PLCXD3: variants seen among roughly 807,000 people sequenced by gnomAD.
The protein encoded by PLCXD3 is phosphatidylinositol specific phospholipase C X domain containing 3.
A neutral mutation model predicts 25.5 loss-of-function variants in PLCXD3; 19 were observed. The observed-to-expected ratio is 0.75, with a 90% CI of 0.52 to 1.09. The LOEUF (loss-of-function observed/expected upper bound fraction) is 1.09, where lower values mean the gene tolerates loss of function less well. Among genes scored for constraint, PLCXD3 ranks in the 50% least tolerant of loss-of-function variants. The pLI, the probability that PLCXD3 is intolerant of heterozygous loss-of-function variation, is 0.00. For synonymous variants in PLCXD3, 174 were observed against 137.6 expected, an observed-to-expected ratio of 1.26 and a Z score of -1.85; for missense variants, 411 against 388.1, an observed-to-expected ratio of 1.06 and a Z score of -0.50.
At chr5:41,346,568 T>C (rs1302238777) in intron 2 of PLCXD3, among the ~76,000 whole-genome samples, 1 of 152,086 alleles carries the variant, frequency 6.6e-6, no homozygotes, top group Non-Finnish European at 1.5e-5. Context: ...TATGTTGTGG[T>C]AAAATATATA....
At chr5:41,390,126 T>G (rs1487767199) in intron 1 of PLCXD3, among the ~76,000 whole-genome samples, 2 of 152,228 alleles carry the variant, frequency 1.3e-5, no homozygotes, top group African/African-American at 4.8e-5. Context: ...TCAGTCTGGC[T>G]TCTTTTCCTT....
intron 1 of PLCXD3, among the ~76,000 whole-genome samples, chr5:41,384,936 C>T (rs1745589610): frequency 6.6e-6 from 1 of 152,014 alleles, no homozygotes; most frequent in Non-Finnish European, 1.5e-5. Flanking sequence ...GTGCTTCACA[C>T]TGTAAATATT....
chr5:41,370,073 A>T (rs1159851781), intron 2 of PLCXD3, among the ~76,000 whole-genome samples: 1 of 152,210 alleles, frequency 6.6e-6, no homozygotes, highest in Non-Finnish European at 1.5e-5. Flanking sequence ...TTTGCTCTTA[A>T]CAGCTGAGGC....
Position 41,381,780 on chromosome 5 carries a change from A to T in PLCXD3, c.812+46T>A, listed in dbSNP as rs764133427. ...ATCACTTATGAGCTCTATAAATTCA[A>T]GTTAAATTATTTGAGGTTTCCCCCT... is the stretch of plus-strand genomic sequence containing the variant. On this transcript the variant is annotated intron_variant, in intron 2 of 2. Coordinates refer to ENST00000377801, the MANE Select transcript of PLCXD3 (RefSeq NM_001005473.3). 6 of 1,486,414 alleles carry T rather than the reference A, an allele frequency of 4.0e-6. No homozygotes were observed. In the South Asian group the frequency reaches 7.8e-5, roughly 19 times the overall value. The allele number at this position is 1,486,414 out of a possible 1,614,324, so 92.1% of individuals were successfully genotyped here.
At chr5:41,374,148 T>C (rs1745209147) in intron 2 of PLCXD3, among the ~76,000 whole-genome samples, 1 of 152,074 alleles carries the variant, frequency 6.6e-6, no homozygotes, top group African/African-American at 2.4e-5. Context: ...ATTTTGTCAG[T>C]AGGGATGATT....
rs1280368092 is a variant in PLCXD3, at chr5:41,480,424, G to C, written c.103+30000C>G. Reference sequence around the variant, plus strand: ...TTTTTTTTTTTCATTTATAACATTTGCTTTTTTTCTCTTCTAATAAAAATT... The same window carrying C: ...TTTTTTTTTTTCATTTATAACATTTCCTTTTTTTCTCTTCTAATAAAAATT... On this transcript the variant is annotated intron_variant, in intron 1 of 2. Coordinates refer to ENST00000377801, the MANE Select transcript of PLCXD3 (RefSeq NM_001005473.3). 2.9e-5 allele frequency among the ~76,000 whole-genome samples: 3 copies of C among 105,086 alleles called. No homozygotes were observed. In the South Asian group the frequency reaches 1.1e-3, roughly 39 times the overall value. The allele number at this position is 105,086 out of a possible 152,430, so 68.9% of individuals were successfully genotyped here.
intron 1 of PLCXD3, among the ~76,000 whole-genome samples, chr5:41,476,914 C>T (rs1748296294): frequency 6.6e-6 from 1 of 152,170 alleles, no homozygotes; most frequent in Non-Finnish European, 1.5e-5. Context: ...AGACATGGTG[C>T]TTAACACCTT....
chr5:41,407,487 A>G (rs1746386317), intron 1 of PLCXD3, among the ~76,000 whole-genome samples: 1 of 152,132 alleles, frequency 6.6e-6, no homozygotes, highest in African/African-American at 2.4e-5. Flanking sequence ...AGTTATTTGG[A>G]CTTTTGGAGA....
rs781062224 is a variant in PLCXD3 at position 41,510,413 on chromosome 5, T to C, written c.103+11A>G. On this transcript the variant is annotated intron_variant, in intron 1 of 2. Coordinates refer to ENST00000377801, the MANE Select transcript of PLCXD3 (RefSeq NM_001005473.3). Reference sequence around the variant, plus strand: ...CGCCGAGCGCCTAGCCCGCAGCCCCTGCGCGCCTACCTGGAATGGCTAAAT... The same window carrying C: ...CGCCGAGCGCCTAGCCCGCAGCCCCCGCGCGCCTACCTGGAATGGCTAAAT... 8 of 1,603,084 alleles carry C rather than the reference T, an allele frequency of 5.0e-6. No individual in the cohort carries two copies. Among genetic ancestry groups the C allele is most frequent in the Non-Finnish European group, 6.8e-6 (8 of 1,174,744 alleles).
intron 2 of PLCXD3, among the ~76,000 whole-genome samples, chr5:41,349,934 T>C (rs1454709200): frequency 6.6e-6 from 1 of 152,176 alleles, no homozygotes; most frequent in Non-Finnish European, 1.5e-5. Context: ...GATTTTTTTT[T>C]TTTTTGGTAG....
At chr5:41,487,609 C>A (rs1290010631) in intron 1 of PLCXD3, among the ~76,000 whole-genome samples, 11 of 151,968 alleles carry the variant, frequency 7.2e-5, no homozygotes. Context: ...ATGAATAAGA[C>A]AAAGTAATTG....
chr5:41,498,955 C>A (rs139383172), intron 1 of PLCXD3, among the ~76,000 whole-genome samples: 2,431 of 151,628 alleles, frequency 0.016, 22 homozygotes, highest in Non-Finnish European at 0.025. Flanking sequence ...AATTCAACAT[C>A]TTTTCATGAT....
intron 1 of PLCXD3, among the ~76,000 whole-genome samples, chr5:41,404,000 T>C (rs912693258): frequency 1.3e-5 from 2 of 152,136 alleles, no homozygotes; most frequent in Admixed American, 6.6e-5. Context: ...GGTTGCTCAA[T>C]AAAGAAAAGT....
chr5:41,322,384 T>C (rs1480319124), intron 2 of PLCXD3, among the ~76,000 whole-genome samples: 1 of 152,062 alleles, frequency 6.6e-6, no homozygotes, highest in Admixed American at 6.6e-5. Context: ...GTTAAAATGG[T>C]TTATATCCAG....
intron 2 of PLCXD3, among the ~76,000 whole-genome samples, chr5:41,323,084 T>C (rs1743523834): frequency 6.6e-6 from 1 of 152,088 alleles, no homozygotes; most frequent in Non-Finnish European, 1.5e-5. Flanking sequence ...TGCATGGAAC[T>C]GGAGATCATT....
chr5:41,389,240 G>T (rs904120578), intron 1 of PLCXD3, among the ~76,000 whole-genome samples: 7 of 152,032 alleles, frequency 4.6e-5, no homozygotes, highest in Non-Finnish European at 1.0e-4. Context: ...AAAAACTTCA[G>T]CCCTCAGTGC....
intron 1 of PLCXD3, among the ~76,000 whole-genome samples, chr5:41,483,279 T>C (rs1462675165): frequency 6.6e-6 from 1 of 152,140 alleles, no homozygotes; most frequent in Non-Finnish European, 1.5e-5. Context: ...CCCAGTTACT[T>C]GAGAGATCAG....
intron 2 of PLCXD3, among the ~76,000 whole-genome samples, chr5:41,343,003 A>G (rs1744196124): frequency 6.6e-6 from 1 of 152,158 alleles, no homozygotes; most frequent in South Asian, 2.1e-4. Context: ...TCAAAAATCT[A>G]ATTGTTTGAA....
chr5:41,420,381 A>G (rs1225264923), intron 1 of PLCXD3, among the ~76,000 whole-genome samples: 1 of 152,240 alleles, frequency 6.6e-6, no homozygotes, highest in Non-Finnish European at 1.5e-5. Context: ...ATCCTAGTCC[A>G]AGCTAGGCAA....
Sources: allele counts gnomAD v4.1 joint callset (sites outside exome capture counted in the v4.1 genomes callset), GRCh38; gene constraint gnomAD v4.1.1; transcripts MANE v1.5; gene names NCBI Gene and HGNC (gene_info 2026-07-23, HGNC 2026-07-21).